FNBP1: variants seen among roughly 807,000 people sequenced by gnomAD.
FNBP1 encodes the protein formin binding protein 1.
Under a neutral mutation model 90.6 loss-of-function variants are expected in FNBP1, and 26 were observed. The observed-to-expected ratio is 0.29, with a 90% CI of 0.21 to 0.40. The LOEUF is 0.40. Ranked by LOEUF, FNBP1 falls within the 10% of genes least tolerant of loss-of-function variation. The pLI, the probability that FNBP1 is intolerant of heterozygous loss-of-function variation, is 1.00. For missense variants in FNBP1, 635 were observed against 768.0 expected (o/e 0.83, Z 2.05); for synonymous variants, 260 against 265.2 (o/e 0.98, Z 0.19).
At chr9:129,983,640 A>T (rs2051661514) in intron 2 of FNBP1, among the ~76,000 whole-genome samples, 1 of 152,066 alleles carries the variant, frequency 6.6e-6, no homozygotes, top group Non-Finnish European at 1.5e-5. Context: ...GTGAAACCCC[A>T]TCTCTACTAA....
intron 4 of FNBP1, among the ~76,000 whole-genome samples, chr9:129,976,347 A>T (rs112230973): frequency 1.3e-5 from 2 of 152,254 alleles, no homozygotes; most frequent in African/African-American, 4.8e-5. Context: ...GTCTCCAGAC[A>T]CTGATAAATG....
intron 4 of FNBP1, among the ~76,000 whole-genome samples, chr9:129,959,980 T>C (rs1036098336): frequency 1.3e-5 from 2 of 152,134 alleles, no homozygotes; most frequent in African/African-American, 2.4e-5. Context: ...AAGGTCGACA[T>C]TGTCACATGT....
chr9:129,977,128 G>A (rs1193363946), intron 4 of FNBP1, among the ~76,000 whole-genome samples: 3 of 151,548 alleles, frequency 2.0e-5, no homozygotes, highest in African/African-American at 2.4e-5. Flanking sequence ...CACTTCACTC[G>A]GGCCTGGACC....
chr9:129,927,468 C>CCG, intron 7 of FNBP1, 127 bp from the exon 8 acceptor site: 1 of 803,600 alleles, frequency 1.2e-6, no homozygotes, highest in Non-Finnish European at 2.0e-6. Flanking sequence ...TAGAGCGGCT[C>CCG]TAAGTACACG....
intron 1 of FNBP1, among the ~76,000 whole-genome samples, chr9:130,021,260 TTGTGGAAATG>T (rs1166508132): frequency 1.3e-5 from 2 of 152,182 alleles, no homozygotes; most frequent in African/African-American, 4.8e-5. Flanking sequence ...CAATACATGT[TTGTGGAAATG>T]AATCACAACA....
rs1239730247 is a variant in FNBP1 at position 129,891,174 on chromosome 9, C to T, written c.1847-628G>A. Among the ~76,000 whole-genome samples, 6 of 143,318 alleles carry T rather than the reference C, an allele frequency of 4.2e-5. No homozygotes were observed. The East Asian group carries it at 6.3e-4, about 15-fold the overall frequency. 94.0% of individuals were successfully genotyped at this position (143,318 alleles called of 152,430 possible). A position where few individuals can be genotyped will look rare whatever the true frequency, so the allele number is the denominator to read the frequency against. ...CGTCTTAAAAAAAAAAAAAAGGAAA[C>T]GGAGGTTGGGTGCAGTGGCTCATAC... On this transcript the variant is annotated intron_variant, in intron 16 of 16. Coordinates refer to ENST00000446176, the MANE Select transcript of FNBP1 (RefSeq NM_015033.3).
chr9:129,917,826 C>T (rs1421568667), intron 10 of FNBP1, among the ~76,000 whole-genome samples: 2 of 152,190 alleles, frequency 1.3e-5, no homozygotes, highest in Non-Finnish European at 2.9e-5. Flanking sequence ...GGGCAGTCTA[C>T]AGTGATTCCA....
rs923401215 is a variant in FNBP1, at chr9:129,889,948, G to C, written c.*591C>G. On this transcript the variant is annotated 3_prime_UTR_variant, in exon 17 of 17. Transcript: ENST00000446176. ...TGCCTGCCAGATGCTCCCAGGTTGA[G>C]GGCATAGTGAAAGGGTCAATGTTTA... 4.2e-6 allele frequency: 1 copy of C among 237,292 alleles called. No homozygotes were observed. Among genetic ancestry groups the C allele is most frequent in the South Asian group, 1.6e-4 (1 of 6,412 alleles). The allele number at this position is 237,292 out of a possible 1,614,324, so 14.7% of individuals were successfully genotyped here. A position where few individuals can be genotyped will look rare whatever the true frequency, so the allele number is the denominator to read the frequency against.
At chr9:129,893,052 G>A (rs763082897) in intron 16 of FNBP1, among the ~76,000 whole-genome samples, 4 of 152,024 alleles carry the variant, frequency 2.6e-5, no homozygotes, top group Non-Finnish European at 5.9e-5. Flanking sequence ...CCCTATTTTC[G>A]AGTTTTTCAG....
intron 6 of FNBP1, among the ~76,000 whole-genome samples, chr9:129,943,223 C>T (rs12340755): frequency 4.6e-5 from 7 of 152,166 alleles, no homozygotes; most frequent in African/African-American, 1.4e-4. Context: ...ACAGTCTGCA[C>T]AGACCTTTTT....
At position 129,992,743 on chromosome 9, in the gene FNBP1, G is replaced by A. The variant is rs374188001; in HGVS notation, c.140+2100C>T. Among the ~76,000 whole-genome samples the A allele has an allele frequency of 4.4e-4, 65 of 149,424 alleles. No individual in the cohort carries two copies. In the East Asian group the frequency reaches 7.9e-3, roughly 18 times the overall value. On this transcript the variant is annotated intron_variant, in intron 2 of 16. Transcript: ENST00000446176. ...TCATTTTTGTATTTTTAGTGGAGAC[G>A]GGGTTTCACCATCTTGACCAGGCTG...
chr9:129,929,110 A>C lies in FNBP1; in HGVS notation c.642+457T>G, dbSNP rs1250616154. ...GAGACTGTCTCAAAAAACAAAAACA[A>C]AACAAAACAAAAAAAAGGGCCAGGC... On this transcript the variant is annotated intron_variant, in intron 7 of 16. Transcript: ENST00000446176. Among the ~76,000 whole-genome samples the C allele has an allele frequency of 2.0e-5, 3 of 151,642 alleles. No individual in the cohort carries two copies. In the South Asian group the frequency reaches 6.3e-4, roughly 32 times the overall value.
intron 6 of FNBP1, among the ~76,000 whole-genome samples, chr9:129,940,625 T>C (rs4837434): frequency 8.2e-6 from 1 of 122,430 alleles, no homozygotes; most frequent in African/African-American, 3.2e-5. Flanking sequence ...TATATATATA[T>C]ACATATATAT....
intron 1 of FNBP1, among the ~76,000 whole-genome samples, chr9:130,014,914 C>G (rs1466361662): frequency 1.3e-5 from 2 of 150,602 alleles, no homozygotes; most frequent in Non-Finnish European, 3.0e-5. Flanking sequence ...TCATTTAGTA[C>G]CCAACTATGG....
intron 1 of FNBP1, among the ~76,000 whole-genome samples, chr9:130,005,235 C>CAAAAAAGA (rs201242468): frequency 0.036 from 5,490 of 151,478 alleles, 183 homozygotes; most frequent in African/African-American, 0.085. Context: ...GACTCTGTCT[C>CAAAAAAGA]AAAAAAGAAC....
chr9:129,916,547 A>C (rs2040281381), intron 10 of FNBP1, among the ~76,000 whole-genome samples: 1 of 151,630 alleles, frequency 6.6e-6, no homozygotes, highest in Non-Finnish European at 1.5e-5. Context: ...AACCTGGGAG[A>C]CGGAGGTTGC....
chr9:129,921,426 C>T (rs985196950), intron 10 of FNBP1, among the ~76,000 whole-genome samples: 1 of 150,854 alleles, frequency 6.6e-6, no homozygotes, highest in Non-Finnish European at 1.5e-5. Flanking sequence ...CAGAGTCTTG[C>T]TCTGTCGTCC....
intron 16 of FNBP1, among the ~76,000 whole-genome samples, chr9:129,891,348 C>T (rs576068962): frequency 7.2e-5 from 11 of 152,176 alleles, no homozygotes; most frequent in Admixed American, 2.6e-4. Context: ...CCTGTAGTCC[C>T]GGCTATTCGG....
intron 4 of FNBP1, among the ~76,000 whole-genome samples, chr9:129,959,108 C>G (rs540744269): frequency 4.0e-5 from 6 of 151,398 alleles, no homozygotes; most frequent in Non-Finnish European, 7.4e-5. Context: ...TCACAGAGTT[C>G]CCTTTACAGC....
Sources: gnomAD v4.1 joint callset for allele counts (sites outside exome capture counted in the v4.1 genomes callset) on GRCh38, gnomAD v4.1.1 for gene constraint, MANE v1.5 for transcripts, NCBI Gene and HGNC (gene_info 2026-07-23, HGNC 2026-07-21) for gene names.